The following PPM1E variants were observed in gnomAD, a reference collection of about 807,000 sequenced individuals.
PPM1E encodes protein phosphatase, Mg2+/Mn2+ dependent 1E, also known as protein phosphatase 1E.
A neutral mutation model predicts 65.9 loss-of-function variants in PPM1E; 20 were observed. The observed-to-expected ratio is 0.30, with a 90% CI of 0.21 to 0.44. The LOEUF is 0.44. Ranked by LOEUF, PPM1E falls within the 20% of genes least tolerant of loss-of-function variation. PPM1E has a pLI of 1.00. For synonymous variants in PPM1E, 352 were observed against 374.9 expected, an observed-to-expected ratio of 0.94 and a Z score of 0.70; for missense variants, 713 against 953.1, an observed-to-expected ratio of 0.75 and a Z score of 3.32.
chr17:58,770,243 T>C (rs2049923314), intron 1 of PPM1E, among the ~76,000 whole-genome samples: 1 of 152,162 alleles, frequency 6.6e-6, no homozygotes, highest in Non-Finnish European at 1.5e-5. Context: ...CAGAATTCCA[T>C]TTTATATATT....
intron 1 of PPM1E, among the ~76,000 whole-genome samples, chr17:58,783,531 G>GT (rs1265464791): frequency 2.6e-5 from 4 of 152,220 alleles, no homozygotes; most frequent in Non-Finnish European, 4.4e-5. Flanking sequence ...GAAAATTGGC[G>GT]TATGTCCAAA....
intron 1 of PPM1E, among the ~76,000 whole-genome samples, chr17:58,865,877 G>A (rs2143322207): frequency 6.6e-6 from 1 of 152,250 alleles, no homozygotes; most frequent in East Asian, 1.9e-4. Context: ...ACATCCCTAG[G>A]CACAGAATTT....
intron 1 of PPM1E, among the ~76,000 whole-genome samples, chr17:58,850,061 GT>G (rs1054903322): frequency 6.6e-6 from 1 of 151,696 alleles, no homozygotes; most frequent in Non-Finnish European, 1.5e-5. Flanking sequence ...TTTGATCTTT[GT>G]TGGTTTAAAG....
chr17:58,765,783 G>C (rs556412155), intron 1 of PPM1E, among the ~76,000 whole-genome samples: 142 of 151,828 alleles, frequency 9.4e-4, no homozygotes, highest in African/African-American at 3.3e-3. Flanking sequence ...GATCACTATA[G>C]AAACATTACC....
At chr17:58,842,988 A>T (rs984398016) in intron 1 of PPM1E, among the ~76,000 whole-genome samples, 2 of 151,996 alleles carry the variant, frequency 1.3e-5, no homozygotes, top group African/African-American at 4.8e-5. Flanking sequence ...TTATAATTTT[A>T]AAAAGTGTAG....
At chr17:58,963,457 G>A (rs1294803635) in intron 2 of PPM1E, among the ~76,000 whole-genome samples, 1 of 151,478 alleles carries the variant, frequency 6.6e-6, no homozygotes, top group African/African-American at 2.4e-5. Context: ...GGGAGGCCGA[G>A]GCGGGTGGAT....
intron 1 of PPM1E, among the ~76,000 whole-genome samples, chr17:58,944,314 A>T (rs1411064809): frequency 2.0e-5 from 3 of 152,192 alleles, no homozygotes; most frequent in Non-Finnish European, 1.5e-5. Flanking sequence ...ACAACCAGTC[A>T]TAGGTTTCTT....
At chr17:58,838,622 A>G (rs1182626948) in intron 1 of PPM1E, among the ~76,000 whole-genome samples, 1 of 152,206 alleles carries the variant, frequency 6.6e-6, no homozygotes, top group Non-Finnish European at 1.5e-5. Flanking sequence ...TACAAGAAAG[A>G]TAAACATATT....
intron 1 of PPM1E, among the ~76,000 whole-genome samples, chr17:58,837,320 A>ACACACATACACACACAC (rs1567849044): frequency 5.0e-5 from 6 of 120,242 alleles, no homozygotes; most frequent in African/African-American, 2.0e-4. Context: ...GAATGAGAAT[A>ACACACATACACACACAC]ACACACACAC....
chr17:58,806,690 TTTG>T (rs2050317493), intron 1 of PPM1E, among the ~76,000 whole-genome samples: 1 of 141,308 alleles, frequency 7.1e-6, no homozygotes, highest in East Asian at 2.3e-4. Flanking sequence ...CTTGTTTTGT[TTTG>T]TTTTCTTTTT....
At chr17:58,933,868 G>A (rs1393344179) in intron 1 of PPM1E, among the ~76,000 whole-genome samples, 5 of 151,810 alleles carry the variant, frequency 3.3e-5, no homozygotes, top group Non-Finnish European at 5.9e-5. Context: ...AGGCCAAGGC[G>A]GGTGGATCAT....
At chr17:58,828,644 A>G (rs1056389745) in intron 1 of PPM1E, among the ~76,000 whole-genome samples, 8 of 151,992 alleles carry the variant, frequency 5.3e-5, no homozygotes, top group African/African-American at 1.9e-4. Flanking sequence ...TTGTATTTTT[A>G]ATAGAGACAG....
chr17:58,881,723 A>G (rs904214354), intron 1 of PPM1E, among the ~76,000 whole-genome samples: 52 of 152,214 alleles, frequency 3.4e-4, no homozygotes, highest in African/African-American at 1.2e-3. Context: ...GTGCACCTGT[A>G]GTCTCAGCTA....
chr17:58,814,372 G>A (rs2050396344), intron 1 of PPM1E, among the ~76,000 whole-genome samples: 1 of 152,150 alleles, frequency 6.6e-6, no homozygotes, highest in Non-Finnish European at 1.5e-5. Context: ...TAACATTTCT[G>A]TAATATTTTT....
At chr17:58,901,294 GAAACT>G (rs1360273069) in intron 1 of PPM1E, among the ~76,000 whole-genome samples, 2 of 152,138 alleles carry the variant, frequency 1.3e-5, no homozygotes, top group African/African-American at 4.8e-5. Flanking sequence ...CAATAGTCAG[GAAACT>G]AAACTATCAA....
intron 1 of PPM1E, among the ~76,000 whole-genome samples, chr17:58,844,302 CTA>C (rs945669292): frequency 6.6e-6 from 1 of 151,708 alleles, no homozygotes. Flanking sequence ...AAAATTATAA[CTA>C]ATTGTAATTT....
chr17:58,898,911 G>A, intron 1 of PPM1E, among the ~76,000 whole-genome samples: 1 of 145,882 alleles, frequency 6.9e-6, no homozygotes. Flanking sequence ...CACAAGGACA[G>A]AAAACCAAAC....
intron 1 of PPM1E, among the ~76,000 whole-genome samples, chr17:58,820,213 T>C (rs566181928): frequency 5.5e-4 from 84 of 152,156 alleles, no homozygotes; most frequent in African/African-American, 1.9e-3. Flanking sequence ...GGGATTACAA[T>C]TGGACATGAG....
intron 1 of PPM1E, 22 bp from the exon 2 acceptor site, chr17:58,955,627 C>T: frequency 6.2e-7 from 1 of 1,611,224 alleles, no homozygotes; most frequent in Middle Eastern, 1.7e-4. Flanking sequence ...CTGAAAATGG[C>T]CTTTTATCTT....
Sources: gnomAD v4.1 joint callset for allele counts (sites outside exome capture counted in the v4.1 genomes callset) on GRCh38, gnomAD v4.1.1 for gene constraint, MANE v1.5 for transcripts, NCBI Gene and HGNC (gene_info 2026-07-23, HGNC 2026-07-21) for gene names.